Variants in HDAC9 observed in about 807,000 individuals in gnomAD.
HDAC9 encodes histone deacetylase 9, also known as MEF-2 interacting transcription repressor (MITR) protein.
In HDAC9, 41 loss-of-function variants were observed where a neutral mutation model predicts 139.4. The observed-to-expected ratio is 0.29, with a 90% CI of 0.23 to 0.38. The LOEUF is 0.38. HDAC9 is among the 10% of genes least tolerant of loss of function. The probability of loss-of-function intolerance (pLI) is 1.00; values close to 1 mark genes in which losing one functional copy is unlikely to be tolerated. For missense variants in HDAC9, 1,147 were observed against 1,297.0 expected, an observed-to-expected ratio of 0.88 and a Z score of 1.78; for synonymous variants, 517 against 476.2, an observed-to-expected ratio of 1.09 and a Z score of -1.12.
chr7:18,659,855 A>G (rs1370910077), intron 11 of HDAC9, among the ~76,000 whole-genome samples: 4 of 152,128 alleles, frequency 2.6e-5, no homozygotes, highest in Admixed American at 6.6e-5. Context: ...CTAGCCAACA[A>G]GGCAACAGCT....
At chr7:18,536,642 A>G (rs770154382) in intron 2 of HDAC9, among the ~76,000 whole-genome samples, 23 of 152,154 alleles carry the variant, frequency 1.5e-4, no homozygotes, top group Non-Finnish European at 2.5e-4. Context: ...ACCTTTACTT[A>G]TATGGAAATT....
chr7:18,644,704 G>A lies in HDAC9; in HGVS notation c.946G>A (p.Glu316Lys), dbSNP rs1386607944. The change falls in exon 9 of 26, where the codon GAA becomes AAA. Residue 316 changes from glutamate to lysine, a missense_variant. Glu to Lys is a moderately conservative substitution (Grantham distance 56, BLOSUM62 1). Around this residue, in one of 7 missense-constraint regions of HDAC9, gnomAD observed 264 missense variants for 273.8 expected, o/e 0.96. Coordinates refer to ENST00000686413, the MANE Select transcript of HDAC9 (RefSeq NM_178425.4). ...TTCACAGCAACGCATTCTAATTCAT[G>A]AAGATTCCATGAACCTGCTAAGTCT... ...MVSQQRILIHEDSMNLLSLYT... is the reference protein window; with the variant it reads ...MVSQQRILIHKDSMNLLSLYT... 26 of 1,611,510 alleles carry A rather than the reference G, an allele frequency of 1.6e-5. No homozygotes were observed. The highest frequency in any genetic ancestry group is 2.2e-5 in the Non-Finnish European group (26 of 1,178,762).
intron 2 of HDAC9, among the ~76,000 whole-genome samples, chr7:18,204,332 CTTTTTTTT>C (rs35479287): frequency 1.7e-5 from 2 of 116,016 alleles, no homozygotes; most frequent in Non-Finnish European, 3.6e-5. Flanking sequence ...TTGAATCTGC[CTTTTTTTT>C]TTTTTTTTTT....
intron 21 of HDAC9, among the ~76,000 whole-genome samples, chr7:18,862,450 A>T (rs572552541): frequency 2.6e-5 from 4 of 152,222 alleles, no homozygotes; most frequent in Non-Finnish European, 4.4e-5. Context: ...AGTGCCAAGA[A>T]CAGAAATTGA....
At chr7:18,611,885 A>C (rs886890296) in intron 6 of HDAC9, among the ~76,000 whole-genome samples, 21 of 152,172 alleles carry the variant, frequency 1.4e-4, no homozygotes. Context: ...AATTATTAAA[A>C]TCACAAATTT....
At chr7:18,648,410 A>ATGTGTGTGTGTGTATGTG (rs1554302114) in intron 10 of HDAC9, 56 bp from the exon 11 acceptor site, 1 of 1,056,344 alleles carries the variant, frequency 9.5e-7, no homozygotes, top group Non-Finnish European at 1.4e-6. Context: ...GTGTGTGTGT[A>ATGTGTGTGTGTGTATGTG]TGTGTGTGTG....
At chr7:18,303,003 T>A (rs546589560) in intron 1 of HDAC9, among the ~76,000 whole-genome samples, 1 of 152,152 alleles carries the variant, frequency 6.6e-6, no homozygotes, top group African/African-American at 2.4e-5. Flanking sequence ...TGTTTGTCAA[T>A]TGTTTTTTTT....
intron 17 of HDAC9, among the ~76,000 whole-genome samples, chr7:18,801,262 A>G (rs1220849650): frequency 6.6e-6 from 1 of 152,122 alleles, no homozygotes; most frequent in East Asian, 1.9e-4. Context: ...TTTGTGGAAG[A>G]AATTACCTTT....
chr7:18,176,004 T>C (rs998639514), intron 2 of HDAC9, among the ~76,000 whole-genome samples: 2 of 152,176 alleles, frequency 1.3e-5, no homozygotes, highest in Non-Finnish European at 2.9e-5. Context: ...AATTCTGCCT[T>C]CTTTGGAATT....
chr7:18,699,725 T>G (rs898978695), intron 12 of HDAC9, among the ~76,000 whole-genome samples: 9 of 152,132 alleles, frequency 5.9e-5, no homozygotes, highest in African/African-American at 2.2e-4. Context: ...TATTAAGATA[T>G]TCCCCATTGA....
intron 23 of HDAC9, 132 bp from the exon 24 acceptor site, chr7:18,954,014 T>G (rs1782979771): frequency 1.5e-6 from 1 of 656,058 alleles, no homozygotes; most frequent in South Asian, 1.8e-5. Flanking sequence ...AGAACTAATA[T>G]CAGCAAAATG....
intron 1 of HDAC9, among the ~76,000 whole-genome samples, chr7:18,355,274 G>A (rs958049893): frequency 5.3e-5 from 8 of 151,866 alleles, no homozygotes; most frequent in Non-Finnish European, 7.4e-5. Context: ...AGAAATTCAA[G>A]AGCTGGATTT....
intron 14 of HDAC9, among the ~76,000 whole-genome samples, chr7:18,755,915 G>A (rs891425486): frequency 3.3e-5 from 5 of 152,060 alleles, no homozygotes; most frequent in Non-Finnish European, 4.4e-5. Flanking sequence ...TCAACCTTCC[G>A]TCCACCAATA....
At chr7:18,743,762 A>C (rs1377879774) in intron 13 of HDAC9, among the ~76,000 whole-genome samples, 1 of 152,044 alleles carries the variant, frequency 6.6e-6, no homozygotes, top group East Asian at 1.9e-4. Context: ...CGTAAGTCTT[A>C]TGGATAGATT....
At chr7:18,907,331 G>GT (rs1363157149) in intron 22 of HDAC9, among the ~76,000 whole-genome samples, 1 of 152,180 alleles carries the variant, frequency 6.6e-6, no homozygotes, top group African/African-American at 2.4e-5. Context: ...CAGAACAACT[G>GT]TTAAACACAT....
intron 2 of HDAC9, among the ~76,000 whole-genome samples, chr7:18,244,298 A>G (rs1424391942): frequency 1.3e-5 from 2 of 152,198 alleles, no homozygotes; most frequent in African/African-American, 2.4e-5. Context: ...AAACCCCCCT[A>G]CTATGCAAAT....
intron 2 of HDAC9, among the ~76,000 whole-genome samples, chr7:18,224,221 T>G (rs1792898618): frequency 6.6e-6 from 1 of 152,192 alleles, no homozygotes; most frequent in Non-Finnish European, 1.5e-5. Context: ...AATATTATGC[T>G]AGTTCATGTC....
intron 1 of HDAC9, among the ~76,000 whole-genome samples, chr7:18,481,633 G>A (rs976769944): frequency 2.6e-5 from 4 of 152,140 alleles, no homozygotes; most frequent in East Asian, 1.9e-4. Flanking sequence ...TTTCATTCTA[G>A]GCTTTGAAAA....
At chr7:18,615,368 A>C (rs960349637) in intron 6 of HDAC9, among the ~76,000 whole-genome samples, 2 of 152,214 alleles carry the variant, frequency 1.3e-5, no homozygotes, top group African/African-American at 4.8e-5. Flanking sequence ...TGTGTAAAAC[A>C]ACAGCAACAA....
Sources: allele counts gnomAD v4.1 joint callset (sites outside exome capture counted in the v4.1 genomes callset), GRCh38; gene constraint gnomAD v4.1.1; regional missense constraint gnomAD v4.1.1; transcripts MANE v1.5; gene names NCBI Gene and HGNC (gene_info 2026-07-23, HGNC 2026-07-21).